WDPCP: variants seen among roughly 807,000 people sequenced by gnomAD.
WDPCP encodes the protein WD repeat-containing and planar cell polarity effector protein fritz homolog.
Under a neutral mutation model 93.1 loss-of-function variants are expected in WDPCP, and 71 were observed. That is an observed-to-expected ratio of 0.76 (90% CI 0.63 to 0.93). The LOEUF (loss-of-function observed/expected upper bound fraction) is 0.93, where lower values mean the gene tolerates loss of function less well. Among genes scored for constraint, WDPCP ranks in the 40% least tolerant of loss-of-function variants. WDPCP has a pLI of 0.00. For synonymous variants in WDPCP, 315 were observed against 315.0 expected (o/e 1.00, Z 0.00); for missense variants, 844 against 887.4 (o/e 0.95, Z 0.62).
intron 1 of WDPCP, among the ~76,000 whole-genome samples, chr2:63,501,471 G>A (rs1701547025): frequency 6.6e-6 from 1 of 152,224 alleles, no homozygotes; most frequent in South Asian, 2.1e-4. Context: ...GAGGCTGACA[G>A]AGGAGGATGG....
At chr2:63,445,203 A>G (rs1697769932) in intron 6 of WDPCP, among the ~76,000 whole-genome samples, 1 of 152,190 alleles carries the variant, frequency 6.6e-6, no homozygotes, top group Admixed American at 6.5e-5. Flanking sequence ...AAGTAAATAT[A>G]GTTAAGAATT....
Position 63,792,609 on chromosome 2 carries a change from G to A in WDPCP, n.308+21013C>T, listed in dbSNP as rs541408738. Among the ~76,000 whole-genome samples the A allele has an allele frequency of 1.5e-4, 23 of 152,288 alleles. No homozygotes were observed. In the South Asian group the frequency reaches 4.4e-3, roughly 29 times the overall value. On this transcript the variant is annotated intron_variant and non_coding_transcript_variant, in intron 2 of 4. Transcript: ENST00000467687. The stretch of plus-strand genomic sequence containing the variant: ...GAAAAGAGCTGATTAGGAGAAAAGA[G>A]GGATAAAAGGTGCTCCTGGCAGAGC...
intron 3 of WDPCP, among the ~76,000 whole-genome samples, chr2:63,639,331 G>A (rs1289030223): frequency 6.6e-6 from 1 of 152,170 alleles, no homozygotes; most frequent in Admixed American, 6.5e-5. Context: ...ATTTTGTGGA[G>A]ACAGGGTCTA....
chr2:63,153,874 G>A (rs1352455667), intron 15 of WDPCP, among the ~76,000 whole-genome samples: 3 of 151,854 alleles, frequency 2.0e-5, no homozygotes, highest in East Asian at 1.9e-4. Context: ...GAAGTTTTAA[G>A]AGAAACAATC....
At chr2:63,741,891 T>C (rs894824969) in intron 2 of WDPCP, among the ~76,000 whole-genome samples, 2 of 152,106 alleles carry the variant, frequency 1.3e-5, no homozygotes, top group African/African-American at 4.8e-5. Context: ...ATGGAAAACG[T>C]TATTAAAATT....
intron 1 of WDPCP, among the ~76,000 whole-genome samples, chr2:63,501,595 G>A (rs1288373385): frequency 6.6e-6 from 1 of 152,074 alleles, no homozygotes; most frequent in African/African-American, 2.4e-5. Flanking sequence ...AAATGCATTA[G>A]GCCTCTGTCT....
At chr2:63,700,388 T>C (rs1445630533) in intron 2 of WDPCP, among the ~76,000 whole-genome samples, 2 of 151,150 alleles carry the variant, frequency 1.3e-5, no homozygotes, top group Non-Finnish European at 2.9e-5. Flanking sequence ...GTAGTGGGAA[T>C]GGAAAAGGTC....
intron 2 of WDPCP, among the ~76,000 whole-genome samples, chr2:63,703,132 T>C (rs1216203025): frequency 6.6e-6 from 1 of 152,194 alleles, no homozygotes. Context: ...TGTTGGACAT[T>C]TGGGTTGGTT....
chr2:63,665,821 G>GA (rs540707059), intron 2 of WDPCP, among the ~76,000 whole-genome samples: 5 of 151,956 alleles, frequency 3.3e-5, no homozygotes, highest in Non-Finnish European at 7.4e-5. Context: ...ATTCTCTATA[G>GA]AAGTTTGATG....
intron 9 of WDPCP, among the ~76,000 whole-genome samples, chr2:63,418,027 G>A (rs1291492263): frequency 6.6e-6 from 1 of 152,010 alleles, no homozygotes; most frequent in Non-Finnish European, 1.5e-5. Context: ...AGTATACTCT[G>A]TTGACTAAAG....
At chr2:63,608,616 C>A (rs1709579685) in intron 3 of WDPCP, among the ~76,000 whole-genome samples, 1 of 152,050 alleles carries the variant, frequency 6.6e-6, no homozygotes, top group African/African-American at 2.4e-5. Context: ...CAAGGCTAGC[C>A]TGGGCAACAA....
intron 2 of WDPCP, among the ~76,000 whole-genome samples, chr2:63,723,149 G>A (rs1487187925): frequency 6.6e-6 from 1 of 151,700 alleles, no homozygotes; most frequent in Admixed American, 6.6e-5. Context: ...AAACACTGCG[G>A]AAGGCCGCAG....
intron 1 of WDPCP, among the ~76,000 whole-genome samples, chr2:63,558,950 G>A (rs190727330): frequency 1.3e-5 from 2 of 152,240 alleles, no homozygotes; most frequent in Non-Finnish European, 1.5e-5. Flanking sequence ...GCATCATCCT[G>A]ATACCAAAAC....
rs145043087 is a variant in WDPCP, at chr2:63,166,409, G to T, written c.2078+8261C>A. The stretch of plus-strand genomic sequence containing the variant: ...ACGTAGTAGGTGTATATATTTATGG[G>T]GTACATGAAATTTTTGAGACAGGGT... On this transcript the variant is annotated intron_variant, in intron 15 of 17. Transcript: ENST00000272321. Among the ~76,000 whole-genome samples, 89 of 149,648 alleles carry T rather than the reference G, an allele frequency of 5.9e-4. 1 individual carries two copies. The highest frequency in any genetic ancestry group is 1.8e-3 in the Admixed American group (27 of 14,950).
At chr2:63,493,908 T>C (rs1344425188) in intron 1 of WDPCP, among the ~76,000 whole-genome samples, 1 of 152,096 alleles carries the variant, frequency 6.6e-6, no homozygotes, top group Admixed American at 6.5e-5. Flanking sequence ...GTTTGAAAAA[T>C]ATTTTAAGAC....
intron 1 of WDPCP, among the ~76,000 whole-genome samples, chr2:63,561,540 T>C (rs1389365103): frequency 6.7e-6 from 1 of 149,558 alleles, no homozygotes; most frequent in Non-Finnish European, 1.5e-5. Context: ...TGGGATCTAA[T>C]GAAACTAAAG....
chr2:63,492,428 T>C lies in WDPCP; in HGVS notation c.160+428A>G, dbSNP rs150219546. ...TAGCTATCCTGTAAATATTTATGAA[T>C]ATAAATCTTATTATGAAGAATCCCA... On this transcript the variant is annotated intron_variant, in intron 2 of 17. Transcript: ENST00000272321. 5.6e-3 allele frequency among the ~76,000 whole-genome samples: 846 copies of C among 152,018 alleles called. 6 individuals are homozygous for C. Among genetic ancestry groups the C allele is most frequent in the Middle Eastern group, 0.01 (3 of 294 alleles).
chr2:63,447,323 T>G (rs1180106990), intron 6 of WDPCP, among the ~76,000 whole-genome samples: 2 of 152,170 alleles, frequency 1.3e-5, no homozygotes, highest in Admixed American at 1.3e-4. Context: ...ACTTCTTGCC[T>G]TATAAAATTT....
At chr2:63,155,897 C>G (rs1219831052) in intron 15 of WDPCP, among the ~76,000 whole-genome samples, 1 of 152,142 alleles carries the variant, frequency 6.6e-6, no homozygotes, top group Non-Finnish European at 1.5e-5. Context: ...GGATTTTGAT[C>G]AGAATTTTAT....
Sources: gnomAD v4.1 joint callset for allele counts (sites outside exome capture counted in the v4.1 genomes callset) on GRCh38, gnomAD v4.1.1 for gene constraint, MANE v1.5 for transcripts, NCBI Gene and HGNC (gene_info 2026-07-23, HGNC 2026-07-21) for gene names.